The following RBFOX1 variants were observed in gnomAD, a reference collection of about 807,000 sequenced individuals.
RBFOX1 encodes RNA binding fox-1 homolog 1.
Under a neutral mutation model 57.7 loss-of-function variants are expected in RBFOX1, and 8 were observed. That is an observed-to-expected ratio of 0.14 (90% CI 0.08 to 0.25). The LOEUF (loss-of-function observed/expected upper bound fraction) is 0.25. Ranked by LOEUF, RBFOX1 falls within the 10% of genes least tolerant of loss-of-function variation. RBFOX1 has a pLI of 1.00. For synonymous variants in RBFOX1, 326 were observed against 222.4 expected (o/e 1.47, Z -4.15); for missense variants, 611 against 548.5 (o/e 1.11, Z -1.14).
chr16:7,021,237 C>A (rs1006754019), intron 3 of RBFOX1, among the ~76,000 whole-genome samples: 1 of 151,618 alleles, frequency 6.6e-6, no homozygotes. Context: ...TTATGTGTTG[C>A]GTCGGCCCCC....
chr16:6,330,953 G>A (rs2082949015), intron 2 of RBFOX1, among the ~76,000 whole-genome samples: 1 of 152,178 alleles, frequency 6.6e-6, no homozygotes, highest in Non-Finnish European at 1.5e-5. Context: ...GGGGACATAG[G>A]ATGGAATTGA....
chr16:6,693,921 G>C (rs1270353961), intron 3 of RBFOX1, among the ~76,000 whole-genome samples: 1 of 152,176 alleles, frequency 6.6e-6, no homozygotes, highest in Non-Finnish European at 1.5e-5. Flanking sequence ...CTAATTGACT[G>C]TTTACCCATA....
intron 1 of RBFOX1, among the ~76,000 whole-genome samples, chr16:5,416,226 A>T (rs912851625): frequency 3.9e-5 from 6 of 152,136 alleles, no homozygotes; most frequent in Admixed American, 2.6e-4. Flanking sequence ...GGACATTGAG[A>T]CTTTGAAAAA....
intron 5 of RBFOX1, among the ~76,000 whole-genome samples, chr16:7,524,872 A>G (rs1412095249): frequency 1.3e-5 from 2 of 152,198 alleles, no homozygotes; most frequent in African/African-American, 4.8e-5. Flanking sequence ...AAGGTATAGG[A>G]AAAACTTGTT....
chr16:7,505,242 CAAAAAAA>C (rs34767987), intron 4 of RBFOX1, among the ~76,000 whole-genome samples: 1 of 114,076 alleles, frequency 8.8e-6, no homozygotes, highest in South Asian at 3.0e-4. Flanking sequence ...AGTGATGGAC[CAAAAAAA>C]AAAAAAAAAG....
intron 4 of RBFOX1, among the ~76,000 whole-genome samples, chr16:7,342,735 C>A (rs761240014): frequency 6.6e-6 from 1 of 152,032 alleles, no homozygotes; most frequent in South Asian, 2.1e-4. Flanking sequence ...CATCTTGGCT[C>A]ATGGCTCTGG....
intron 3 of RBFOX1, among the ~76,000 whole-genome samples, chr16:6,700,846 A>G (rs927423824): frequency 2.6e-5 from 4 of 152,094 alleles, no homozygotes; most frequent in Non-Finnish European, 4.4e-5. Context: ...TCTAGTAATG[A>G]AAACTTGCAC....
At chr16:5,324,170 A>C (rs1201453100) in intron 1 of RBFOX1, among the ~76,000 whole-genome samples, 1 of 152,174 alleles carries the variant, frequency 6.6e-6, no homozygotes, top group Non-Finnish European at 1.5e-5. Flanking sequence ...CTCCTTGGAA[A>C]TAGAGAATTC....
intron 4 of RBFOX1, among the ~76,000 whole-genome samples, chr16:5,936,341 C>G (rs1179407131): frequency 6.6e-6 from 1 of 152,150 alleles, no homozygotes; most frequent in African/African-American, 2.4e-5. Context: ...CCAGACTGGT[C>G]TCAAATGCCT....
intron 3 of RBFOX1, among the ~76,000 whole-genome samples, chr16:6,655,207 C>T (rs1485960220): frequency 6.6e-6 from 1 of 151,186 alleles, no homozygotes; most frequent in Admixed American, 6.6e-5. Context: ...AACCCCGTAT[C>T]TACTAAAAAT....
At chr16:5,819,440 C>G (rs2055765729) in intron 3 of RBFOX1, among the ~76,000 whole-genome samples, 1 of 152,216 alleles carries the variant, frequency 6.6e-6, no homozygotes, top group African/African-American at 2.4e-5. Flanking sequence ...CATCTATGCT[C>G]TGCTTCTGCT....
chr16:5,300,039 G>T (rs1448627677), intron 1 of RBFOX1, among the ~76,000 whole-genome samples: 2 of 147,468 alleles, frequency 1.4e-5, no homozygotes, highest in African/African-American at 5.0e-5. Context: ...TTTTTTTTTT[G>T]GGCATATATT....
intron 4 of RBFOX1, among the ~76,000 whole-genome samples, chr16:5,996,775 T>C (rs1171699699): frequency 6.6e-6 from 1 of 152,136 alleles, no homozygotes; most frequent in Non-Finnish European, 1.5e-5. Flanking sequence ...GGAATAAATA[T>C]TCCAATGTCA....
rs58405378 is a variant in RBFOX1, at chr16:7,034,848, CTT to C, written c.-15-17192_-15-17191del. Among the ~76,000 whole-genome samples the C allele has an allele frequency of 2.9e-4, 9 of 30,836 alleles. No individual in the cohort carries two copies. The South Asian group carries it at 0.01, about 36-fold the overall frequency. The allele number at this position is 30,836 out of a possible 152,430, so 20.2% of individuals were successfully genotyped here. On this transcript the variant is annotated intron_variant, in intron 3 of 15. Transcript: ENST00000550418. Reference sequence around the variant, plus strand: ...ATTACTTTTTTTTTTTTTCTTTTTTCTTTTTTTTTTTTTTTTTTGAGATGGAG... The same window carrying C: ...ATTACTTTTTTTTTTTTTCTTTTTTCTTTTTTTTTTTTTTTTGAGATGGAG...
At chr16:6,098,426 C>G (rs1206193534) in intron 1 of RBFOX1, among the ~76,000 whole-genome samples, 1 of 152,224 alleles carries the variant, frequency 6.6e-6, no homozygotes, top group African/African-American at 2.4e-5. Context: ...TGCACTGCCT[C>G]CTAAATTAGC....
intron 3 of RBFOX1, among the ~76,000 whole-genome samples, chr16:6,753,035 C>G (rs1205750185): frequency 1.3e-5 from 2 of 151,740 alleles, no homozygotes; most frequent in East Asian, 1.9e-4. Flanking sequence ...TTTATTGTAA[C>G]TTTTTCATAG....
chr16:6,964,284 G>A (rs942873191), intron 3 of RBFOX1, among the ~76,000 whole-genome samples: 1 of 152,186 alleles, frequency 6.6e-6, no homozygotes, highest in East Asian at 1.9e-4. Context: ...CTCCCAAAGT[G>A]GTGGGATTAT....
intron 3 of RBFOX1, among the ~76,000 whole-genome samples, chr16:6,879,557 G>C (rs116012235): frequency 6.6e-6 from 1 of 152,182 alleles, no homozygotes; most frequent in African/African-American, 2.4e-5. Context: ...TATACAGGTA[G>C]ATTCAACATA....
intron 4 of RBFOX1, among the ~76,000 whole-genome samples, chr16:7,509,028 G>A (rs377121102): frequency 6.6e-6 from 1 of 152,192 alleles, no homozygotes. Flanking sequence ...AATAAAGGAA[G>A]AACAAAGTAC....
Sources: gnomAD v4.1 joint callset for allele counts (sites outside exome capture counted in the v4.1 genomes callset) on GRCh38, gnomAD v4.1.1 for gene constraint, MANE v1.5 for transcripts, NCBI Gene and HGNC (gene_info 2026-07-23, HGNC 2026-07-21) for gene names.